The following STK38 variants were observed in gnomAD, a reference collection of about 807,000 sequenced individuals.
STK38 encodes the protein serine/threonine kinase 38.
STK38 carries 26 observed loss-of-function variants against 59.0 expected under a neutral mutation model. The ratio of observed to expected loss-of-function variants is 0.44; its 90% CI spans 0.32 to 0.61. The LOEUF (loss-of-function observed/expected upper bound fraction) is 0.61. Among genes scored for constraint, STK38 ranks in the 20% least tolerant of loss-of-function variants. The pLI, the probability that STK38 is intolerant of heterozygous loss-of-function variation, is 0.04. For missense variants in STK38, 433 were observed against 566.0 expected (o/e 0.76, Z 2.38); for synonymous variants, 175 against 176.6 (o/e 0.99, Z 0.07).
intron 3 of STK38, among the ~76,000 whole-genome samples, chr6:36,524,840 C>G (rs953836807): frequency 6.6e-6 from 1 of 151,386 alleles, no homozygotes; most frequent in African/African-American, 2.5e-5. Context: ...ACACTGTATA[C>G]TCTAACTTTC....
intron 9 of STK38, among the ~76,000 whole-genome samples, chr6:36,505,536 T>C (rs149839459): frequency 2.2e-3 from 337 of 152,274 alleles, no homozygotes; most frequent in African/African-American, 7.6e-3. Flanking sequence ...CATCCACCTA[T>C]TAGTGACCTA....
chr6:36,540,295 T>G, intron 1 of STK38, 88 bp from the exon 2 acceptor site: 18 of 1,361,942 alleles, frequency 1.3e-5, no homozygotes, highest in Non-Finnish European at 1.8e-5. Context: ...GGAATGTAAA[T>G]TGGTGCAAGT....
At chr6:36,527,159 G>A (rs1297181426) in intron 2 of STK38, among the ~76,000 whole-genome samples, 1 of 123,452 alleles carries the variant, frequency 8.1e-6, no homozygotes, top group Non-Finnish European at 1.6e-5. Context: ...GCCACTGCAT[G>A]CCAGCCTGGG....
Position 36,500,994 on chromosome 6 carries a change from G to C in STK38, c.835-1004C>G, listed in dbSNP as rs1253448195. On this transcript the variant is annotated intron_variant, in intron 9 of 13. Transcript: ENST00000229812. ...TTCTAAGAAATGGGGGTCTCCCTTT[G>C]TGGGCCCAGGCTGGAGTGCAGTGGC... is the stretch of plus-strand genomic sequence containing the variant. Among the ~76,000 whole-genome samples, 8 of 151,864 alleles carry C rather than the reference G, an allele frequency of 5.3e-5. No homozygotes were observed. In the East Asian group the frequency reaches 1.5e-3, roughly 29 times the overall value.
In STK38 at chr6:36,506,795, C is replaced by T. The variant is rs140256417; in HGVS notation, c.773-151G>A. 720 of 667,922 alleles carry T rather than the reference C, an allele frequency of 1.1e-3. 3 individuals carry two copies. Among genetic ancestry groups the T allele is most frequent in the African/African-American group, 0.01 (572 of 55,024 alleles). 41.4% of individuals were successfully genotyped at this position (667,922 alleles called of 1,614,324 possible). A position where few individuals can be genotyped will look rare whatever the true frequency, so the allele number is the denominator to read the frequency against. ...GCTCCAGATGATACATATCCTAGTA[C>T]GTTTACAGTAAACCCAAATCAGAGG... On this transcript the variant is annotated intron_variant, in intron 8 of 13. Coordinates refer to ENST00000229812, the MANE Select transcript of STK38 (RefSeq NM_007271.4).
At chr6:36,522,457 A>G (rs1777400117) in intron 4 of STK38, 1 of 152,254 alleles carries the variant, frequency 6.6e-6, no homozygotes, top group Non-Finnish European at 1.5e-5. Flanking sequence ...GCCTGTAAAC[A>G]GCCACTGCAC....
chr6:36,542,663 G>A (rs1025174641), intron 1 of STK38, among the ~76,000 whole-genome samples: 1 of 150,676 alleles, frequency 6.6e-6, no homozygotes, highest in African/African-American at 2.4e-5. Flanking sequence ...TAATAAAATC[G>A]GCTGAGCGCG....
intron 9 of STK38, among the ~76,000 whole-genome samples, chr6:36,500,902 A>C (rs1776822990): frequency 6.6e-6 from 1 of 152,122 alleles, no homozygotes; most frequent in African/African-American, 2.4e-5. Context: ...TAACTTAAAC[A>C]TTTATAAATA....
chr6:36,503,208 C>T (rs62402199), intron 9 of STK38, among the ~76,000 whole-genome samples: 3,676 of 152,060 alleles, frequency 0.024, 50 homozygotes, highest in Non-Finnish European at 0.027. Flanking sequence ...CATTTCTTTA[C>T]GTCTTTTGAT....
intron 2 of STK38, among the ~76,000 whole-genome samples, chr6:36,533,944 A>G (rs911463906): frequency 6.6e-6 from 1 of 152,246 alleles, no homozygotes; most frequent in African/African-American, 2.4e-5. Flanking sequence ...GCCACCACCA[A>G]GCATAAAAAA....
intron 11 of STK38, 47 bp downstream of exon 11, chr6:36,498,316 T>C: frequency 2.5e-6 from 4 of 1,579,072 alleles, no homozygotes; most frequent in Non-Finnish European, 3.4e-6. Context: ...ATGGAATCAT[T>C]CATATTAAAA....
At chr6:36,513,975 GA>G (rs1479545244) in intron 7 of STK38, among the ~76,000 whole-genome samples, 2 of 150,700 alleles carry the variant, frequency 1.3e-5, no homozygotes, top group African/African-American at 4.9e-5. Context: ...CTAACACCGT[GA>G]AACCCCGTCT....
chr6:36,497,906 T>A, intron 11 of STK38, 31 bp from the exon 12 acceptor site: 60 of 1,225,010 alleles, frequency 4.9e-5, no homozygotes, highest in Non-Finnish European at 6.7e-5. Flanking sequence ...TCAGCACATC[T>A]CAAGCAGTCT....
chr6:36,528,288 T>G (rs1181375054), intron 2 of STK38, among the ~76,000 whole-genome samples: 1 of 152,130 alleles, frequency 6.6e-6, no homozygotes, highest in Non-Finnish European at 1.5e-5. Flanking sequence ...TTTAGAATGG[T>G]AACCAGCAGT....
In STK38 at chr6:36,526,706, C is replaced by A. The variant is rs752676967; in HGVS notation, c.132-1064G>T. Among the ~76,000 whole-genome samples the A allele has an allele frequency of 7.2e-5, 11 of 151,880 alleles. No individual in the cohort carries two copies. The East Asian group carries it at 1.4e-3, about 19-fold the overall frequency. On this transcript the variant is annotated intron_variant, in intron 2 of 13. Transcript: ENST00000229812. ...TGTCAGGAGTTCGAGACCAGACTGG[C>A]CAACATGGTGAAACCTGGTCTGTAC...
At chr6:36,540,242 G>A (rs779301675) in intron 1 of STK38, 35 bp from the exon 2 acceptor site, 1 of 1,611,032 alleles carries the variant, frequency 6.2e-7, no homozygotes, top group Non-Finnish European at 8.5e-7. Flanking sequence ...GTTAGATTTG[G>A]AGTTAGAATC....
chr6:36,506,595 A>G lies in STK38; in HGVS notation c.822T>C (p.Asn274=), dbSNP rs1776967876. The G allele has an allele frequency of 6.2e-7, 1 of 1,613,468 alleles. No individual in the cohort carries two copies. Among genetic ancestry groups the G allele is most frequent in the East Asian group, 2.2e-5 (1 of 44,844 alleles). The stretch of plus-strand genomic sequence containing the variant: ...AGATATTACTTACTAGCTGACGTCT[A>G]TTTCTTTTCCAGGTTTCTGCTTTCC... ...SKRKAETWKR[N]RRQLAFSTVG... is the part of the protein sequence containing the mutation. Residue 274 remains asparagine, a synonymous_variant, in exon 9 of 14, where the codon AAT becomes AAC. Transcript: ENST00000229812.
At chr6:36,540,520 AG>A (rs1483197071) in intron 1 of STK38, among the ~76,000 whole-genome samples, 1 of 152,238 alleles carries the variant, frequency 6.6e-6, no homozygotes, top group African/African-American at 2.4e-5. Context: ...GGGAAGTTGG[AG>A]GCACTTAAGT....
chr6:36,512,660 C>T (rs1985423), intron 7 of STK38, among the ~76,000 whole-genome samples: 42,167 of 151,422 alleles, frequency 0.28, 6,773 homozygotes, highest in African/African-American at 0.44. Context: ...TATAGGTAAT[C>T]TTTCTTCTTT....
Sources: gnomAD v4.1 joint callset for allele counts (sites outside exome capture counted in the v4.1 genomes callset) on GRCh38, gnomAD v4.1.1 for gene constraint, MANE v1.5 for transcripts, NCBI Gene and HGNC (gene_info 2026-07-23, HGNC 2026-07-21) for gene names.